The following PTPRN2 variants were observed in gnomAD, a reference collection of about 807,000 sequenced individuals.
The protein encoded by PTPRN2 is protein tyrosine phosphatase receptor type N2.
In PTPRN2, 74 loss-of-function variants were observed where a neutral mutation model predicts 118.8. The ratio of observed to expected loss-of-function variants is 0.62; its 90% confidence interval spans 0.52 to 0.76. The LOEUF (loss-of-function observed/expected upper bound fraction) is 0.76, where lower values mean the gene tolerates loss of function less well. Ranked by LOEUF, PTPRN2 falls within the 30% of genes least tolerant of loss-of-function variation. The pLI is 0.00. For synonymous variants in PTPRN2, 641 were observed against 608.0 expected (o/e 1.05, Z -0.80); for missense variants, 1,481 against 1,394.4 (o/e 1.06, Z -0.99).
At chr7:158,400,217 A>G (rs751241798) in intron 2 of PTPRN2, among the ~76,000 whole-genome samples, 21 of 152,310 alleles carry the variant, frequency 1.4e-4, no homozygotes, top group Non-Finnish European at 2.4e-4. Flanking sequence ...AAATGACGTA[A>G]CTGATGGATA....
rs28446390 is a variant in PTPRN2 at position 157,874,815 on chromosome 7, A to C, written c.1788+23858T>G. 9.0e-6 allele frequency among the ~76,000 whole-genome samples: 1 copy of C among 110,838 alleles called. No homozygotes were observed. 72.7% of individuals were successfully genotyped at this position (110,838 alleles called of 152,430 possible). Reference sequence around the variant, plus strand: ...CACATATACACACAGAGACACACTCATGGACACACACAGAGACACACTCAT... The same window carrying C: ...CACATATACACACAGAGACACACTCCTGGACACACACAGAGACACACTCAT... On this transcript the variant is annotated intron_variant, in intron 12 of 22. Transcript: ENST00000389418. This position sits in a 1 kb window ranked among gnomAD's most constrained non-coding sequence, Gnocchi z 5.8.
chr7:158,341,376 C>T (rs1374941325), intron 2 of PTPRN2, among the ~76,000 whole-genome samples: 1 of 150,692 alleles, frequency 6.6e-6, no homozygotes, highest in African/African-American at 2.5e-5. Context: ...AGACGTCACT[C>T]ACACCCACAC....
chr7:157,649,795 C>A (rs1215461465), intron 14 of PTPRN2, among the ~76,000 whole-genome samples: 9 of 150,480 alleles, frequency 6.0e-5, no homozygotes. Context: ...GGGTCGGACC[C>A]ATCCAGCGTG....
At chr7:158,000,545 A>G (rs1805144091) in intron 11 of PTPRN2, among the ~76,000 whole-genome samples, 2 of 129,142 alleles carry the variant, frequency 1.5e-5, no homozygotes, top group East Asian at 2.7e-4. Context: ...TTTGAGGTCT[A>G]CTGGGAAGCA....
chr7:158,170,872 G>A (rs1823479557), intron 5 of PTPRN2, among the ~76,000 whole-genome samples: 1 of 151,976 alleles, frequency 6.6e-6, no homozygotes, highest in Non-Finnish European at 1.5e-5. Flanking sequence ...TAAGTAATCT[G>A]TAAAACAAGG....
At chr7:157,826,859 G>A (rs1211638462) in intron 12 of PTPRN2, among the ~76,000 whole-genome samples, 3 of 152,094 alleles carry the variant, frequency 2.0e-5, no homozygotes, top group Non-Finnish European at 2.9e-5. Flanking sequence ...CAGGAAAGGC[G>A]CCCATATATC....
intron 1 of PTPRN2, among the ~76,000 whole-genome samples, chr7:158,543,226 A>T (rs1161341607): frequency 6.6e-6 from 1 of 152,206 alleles, no homozygotes; most frequent in Non-Finnish European, 1.5e-5. Flanking sequence ...CACGGAGCTC[A>T]CCTTAGTGGG....
At chr7:158,404,801 T>TGGCCCCCAGCTCCCC (rs1463937246) in intron 2 of PTPRN2, among the ~76,000 whole-genome samples, 1 of 42,016 alleles carries the variant, frequency 2.4e-5, no homozygotes, top group Admixed American at 2.9e-4. Context: ...TCCAGCTCCC[T>TGGCCCCCAGCTCCCC]GGCCCCCAGC....
chr7:158,355,907 G>C (rs1586437608), intron 2 of PTPRN2, among the ~76,000 whole-genome samples: 1 of 152,182 alleles, frequency 6.6e-6, no homozygotes, highest in African/African-American at 2.4e-5. Context: ...TGATGACCCT[G>C]CTGCCTCTCT....
At position 157,845,422 on chromosome 7, in the gene PTPRN2, C is replaced by A. The variant is rs1335699488; in HGVS notation, c.1788+53251G>T. Among the ~76,000 whole-genome samples, 1 of 151,886 alleles carries A rather than the reference C, an allele frequency of 6.6e-6. No individual in the cohort carries two copies. The highest frequency in any genetic ancestry group is 2.4e-5 in the African/African-American group (1 of 41,292). On this transcript the variant is annotated intron_variant, in intron 12 of 22. Coordinates refer to ENST00000389418, the MANE Select transcript of PTPRN2 (RefSeq NM_002847.5). This position sits in a 1 kb window ranked among gnomAD's most constrained non-coding sequence, Gnocchi z 4.5. ...CTAACTCACCAGGTTACTGGCCTAA[C>A]TCACCATGTTCCCGGCCATACCCCA...
intron 12 of PTPRN2, among the ~76,000 whole-genome samples, chr7:157,757,857 G>A (rs1359845716): frequency 6.6e-6 from 1 of 152,204 alleles, no homozygotes; most frequent in African/African-American, 2.4e-5. Flanking sequence ...CTGGGGCCCC[G>A]CGAATGAACC....
intron 17 of PTPRN2, among the ~76,000 whole-genome samples, chr7:157,580,624 G>C (rs1313440615): frequency 2.4e-5 from 3 of 123,514 alleles, no homozygotes; most frequent in African/African-American, 9.4e-5. Flanking sequence ...GCACACCCCA[G>C]CCCCTGCACA....
chr7:158,096,909 G>A (rs1238026794), intron 10 of PTPRN2, among the ~76,000 whole-genome samples: 2 of 152,214 alleles, frequency 1.3e-5, no homozygotes, highest in Non-Finnish European at 2.9e-5. Flanking sequence ...GGGGCTCTTG[G>A]CTTTGAGTGA....
chr7:158,343,185 A>G (rs960455877), intron 2 of PTPRN2, among the ~76,000 whole-genome samples: 1 of 152,238 alleles, frequency 6.6e-6, no homozygotes, highest in Non-Finnish European at 1.5e-5. Context: ...TCCAAAATAC[A>G]TAAAGAACCA....
At chr7:158,401,376 C>T (rs1812936232) in intron 2 of PTPRN2, among the ~76,000 whole-genome samples, 1 of 152,260 alleles carries the variant, frequency 6.6e-6, no homozygotes, top group African/African-American at 2.4e-5. Flanking sequence ...GTGTTGCTGC[C>T]ACCCAGGAGC....
rs77804268 is a variant in PTPRN2, at chr7:158,555,506, C to G, written c.112+32052G>C. Among the ~76,000 whole-genome samples, 60 of 152,350 alleles carry G rather than the reference C, an allele frequency of 3.9e-4. 3 individuals carry two copies. Among genetic ancestry groups the G allele is most frequent in the South Asian group, 3.7e-3 (18 of 4,820 alleles). ...AGAGGCCCATGCTGCCATGTCCCAT[C>G]CCAACACAGGGGCAGTCCTGCTGCC... On this transcript the variant is annotated intron_variant, in intron 1 of 22. Transcript: ENST00000389418. The surrounding 1 kb of genome is among the most constrained non-coding windows in gnomAD (Gnocchi z 4.7).
chr7:158,109,795 G>A (rs916069371), intron 10 of PTPRN2, among the ~76,000 whole-genome samples: 2 of 150,566 alleles, frequency 1.3e-5, no homozygotes, highest in African/African-American at 4.9e-5. Flanking sequence ...ACGTTACCCC[G>A]GTGTGAGGGA....
chr7:158,170,452 T>C (rs991784901), intron 5 of PTPRN2, among the ~76,000 whole-genome samples: 12 of 152,226 alleles, frequency 7.9e-5, no homozygotes, highest in Admixed American at 6.5e-4. Context: ...GTTCAGTGCA[T>C]TACACAATCA....
Position 158,563,532 on chromosome 7 carries a change from CACTT to C in PTPRN2, c.112+24022_112+24025del, listed in dbSNP as rs537372088. ...GGAAATGCAACTTGATTACAACAAACACTTAGTGGAGCTAATCACACAGCATTCA... is the reference window on the plus strand; with the variant it reads ...GGAAATGCAACTTGATTACAACAAACAGTGGAGCTAATCACACAGCATTCA... On this transcript the variant is annotated intron_variant, in intron 1 of 22. Transcript: ENST00000389418. The surrounding 1 kb of genome is among the most constrained non-coding windows in gnomAD (Gnocchi z 5.1). 8.7e-4 allele frequency among the ~76,000 whole-genome samples: 132 copies of C among 152,336 alleles called. No individual in the cohort carries two copies. Among genetic ancestry groups the C allele is most frequent in the African/African-American group, 3.0e-3 (124 of 41,582 alleles).
Sources: allele counts gnomAD v4.1 joint callset (sites outside exome capture counted in the v4.1 genomes callset), GRCh38; gene constraint gnomAD v4.1.1; non-coding constraint Gnocchi (gnomAD v3.1); transcripts MANE v1.5; gene names NCBI Gene and HGNC (gene_info 2026-07-23, HGNC 2026-07-21).